FA2H: variants seen among roughly 807,000 people sequenced by gnomAD.
The protein encoded by FA2H is fatty acid 2-hydroxylase, also known as fatty acid alpha-hydroxylase.
FA2H carries 22 observed loss-of-function variants against 44.9 expected under a neutral mutation model. That is an observed-to-expected ratio of 0.49 (90% CI 0.35 to 0.70). The LOEUF is 0.70. Among genes scored for constraint, FA2H ranks in the 30% least tolerant of loss-of-function variants. The pLI, the probability that FA2H is intolerant of heterozygous loss-of-function variation, is 0.01. For missense variants in FA2H, 501 were observed against 504.9 expected (o/e 0.99, Z 0.07); for synonymous variants, 243 against 213.2 (o/e 1.14, Z -1.22).
intron 1 of FA2H, among the ~76,000 whole-genome samples, chr16:74,746,406 C>T (rs1416835813): frequency 2.7e-5 from 4 of 149,978 alleles, no homozygotes; most frequent in African/African-American, 4.9e-5. Context: ...AAGGGGGTCT[C>T]GCTATGTGGC....
chr16:74,722,532 T>C (rs1961861906), intron 4 of FA2H, among the ~76,000 whole-genome samples: 1 of 151,500 alleles, frequency 6.6e-6, no homozygotes, highest in Admixed American at 6.6e-5. Context: ...CAAGACCCTG[T>C]CTCAAAAAGA....
At chr16:74,725,656 G>A (rs549365210) in intron 4 of FA2H, among the ~76,000 whole-genome samples, 60 of 152,342 alleles carry the variant, frequency 3.9e-4, no homozygotes, top group African/African-American at 1.4e-3. Context: ...GCTGGGAGGG[G>A]TAAATGAGGC....
chr16:74,721,208 C>T (rs927986171), intron 4 of FA2H, among the ~76,000 whole-genome samples: 4 of 152,084 alleles, frequency 2.6e-5, no homozygotes, highest in Non-Finnish European at 5.9e-5. Flanking sequence ...GCTCTTGTCA[C>T]CCAGGCTGGA....
chr16:74,716,179 T>G (rs1303577356), intron 6 of FA2H, among the ~76,000 whole-genome samples, 168 bp downstream of exon 6: 1 of 152,128 alleles, frequency 6.6e-6, no homozygotes, highest in African/African-American at 2.4e-5. Context: ...ATTGATGTCC[T>G]TGCCTGTCTC....
chr16:74,723,562 G>A (rs1001375804), intron 4 of FA2H, among the ~76,000 whole-genome samples: 3 of 152,106 alleles, frequency 2.0e-5, no homozygotes, highest in Non-Finnish European at 2.9e-5. Flanking sequence ...TCCTTCCTGG[G>A]AGGCTGTGGT....
At chr16:74,731,078 C>T (rs960380790) in intron 2 of FA2H, among the ~76,000 whole-genome samples, 17 of 151,912 alleles carry the variant, frequency 1.1e-4, no homozygotes, top group Admixed American at 6.6e-4. Context: ...CTGTGTATGT[C>T]TTTACATTTA....
intron 4 of FA2H, among the ~76,000 whole-genome samples, chr16:74,719,416 T>C (rs1961780623): frequency 6.6e-6 from 1 of 152,128 alleles, no homozygotes; most frequent in African/African-American, 2.4e-5. Context: ...ACAGAGGCTG[T>C]GGGAGGAGTG....
rs548862043 is a variant in FA2H, at chr16:74,761,790, G to GA, written c.270+12695dup. Among the ~76,000 whole-genome samples, 3 of 151,770 alleles carry GA rather than the reference G, an allele frequency of 2.0e-5. No individual in the cohort carries two copies. In the East Asian group the frequency reaches 5.8e-4, roughly 29 times the overall value. ...GCAAAGTAAGATAAACATCCATGCA[G>GA]AAAAAAAATAGAAAACTTCATGAAG... On this transcript the variant is annotated intron_variant, in intron 1 of 6. Coordinates refer to ENST00000219368, the MANE Select transcript of FA2H (RefSeq NM_024306.5).
At chr16:74,738,970 G>T (rs533714835) in intron 2 of FA2H, among the ~76,000 whole-genome samples, 1 of 152,336 alleles carries the variant, frequency 6.6e-6, no homozygotes, top group African/African-American at 2.4e-5. Context: ...CTGTGCTGTG[G>T]GCGGATGGGT....
chr16:74,762,437 C>T (rs1597570636), intron 1 of FA2H, among the ~76,000 whole-genome samples: 1 of 152,222 alleles, frequency 6.6e-6, no homozygotes, highest in South Asian at 2.1e-4. Flanking sequence ...ACACTGCGAA[C>T]TTTAAGTCCT....
intron 2 of FA2H, among the ~76,000 whole-genome samples, chr16:74,738,720 C>A (rs1291272331): frequency 6.6e-6 from 1 of 152,034 alleles, no homozygotes; most frequent in East Asian, 1.9e-4. Flanking sequence ...TCATCAGTCC[C>A]CAAACTCTCC....
intron 1 of FA2H, among the ~76,000 whole-genome samples, chr16:74,768,352 A>G (rs959786870): frequency 6.6e-6 from 1 of 152,202 alleles, no homozygotes; most frequent in Admixed American, 6.5e-5. Flanking sequence ...TGGGGTGGCC[A>G]TGGAACTGCA....
intron 1 of FA2H, among the ~76,000 whole-genome samples, chr16:74,772,902 G>A (rs1266156406): frequency 6.7e-6 from 1 of 150,038 alleles, no homozygotes; most frequent in Non-Finnish European, 1.5e-5. Context: ...TTTTTTTTGA[G>A]GTGAGCTCTC....
chr16:74,738,060 G>A (rs1962215898), intron 2 of FA2H, among the ~76,000 whole-genome samples: 1 of 152,224 alleles, frequency 6.6e-6, no homozygotes, highest in African/African-American at 2.4e-5. Context: ...TGCTCCCTGT[G>A]CTGATTTTCT....
rs533146471 is a variant in FA2H at position 74,718,868 on chromosome 16, G to A, written c.786+120C>T. 5.1e-4 allele frequency: 616 copies of A among 1,205,242 alleles called. 6 individuals carry two copies. In the South Asian group the frequency reaches 6.1e-3, roughly 12 times the overall value. The allele number at this position is 1,205,242 out of a possible 1,614,324, so 74.7% of individuals were successfully genotyped here. ...CCCCGTGAGTCACATCAAACGTCCCGTCCCTCCCAACCCACAGCCAGACTC... is the reference window on the plus strand; with the variant it reads ...CCCCGTGAGTCACATCAAACGTCCCATCCCTCCCAACCCACAGCCAGACTC... On this transcript the variant is annotated intron_variant, in intron 5 of 6. Coordinates refer to ENST00000219368, the MANE Select transcript of FA2H (RefSeq NM_024306.5).
chr16:74,750,789 G>GTGTGTGTGTGTGTGTT, intron 1 of FA2H, among the ~76,000 whole-genome samples: 2 of 148,542 alleles, frequency 1.3e-5, no homozygotes, highest in Non-Finnish European at 3.0e-5. Flanking sequence ...GTGTGTGTGT[G>GTGTGTGTGTGTGTGTT]TTTAAGAGAC....
chr16:74,770,837 G>A (rs1266103819), intron 1 of FA2H, among the ~76,000 whole-genome samples: 3 of 152,230 alleles, frequency 2.0e-5, no homozygotes, highest in East Asian at 3.9e-4. Flanking sequence ...TGCTCAGGTT[G>A]GGGCCCAGAA....
At chr16:74,766,341 T>C (rs928992327) in intron 1 of FA2H, among the ~76,000 whole-genome samples, 4 of 150,008 alleles carry the variant, frequency 2.7e-5, no homozygotes, top group African/African-American at 7.4e-5. Flanking sequence ...TGCTGTAAGA[T>C]AGGTTCAGGT....
chr16:74,772,876 G>A (rs750268564), intron 1 of FA2H, among the ~76,000 whole-genome samples: 1 of 152,002 alleles, frequency 6.6e-6, no homozygotes, highest in Non-Finnish European at 1.5e-5. Context: ...CATCATGTAG[G>A]CATCTTATTA....
Sources: gnomAD v4.1 joint callset for allele counts (sites outside exome capture counted in the v4.1 genomes callset) on GRCh38, gnomAD v4.1.1 for gene constraint, MANE v1.5 for transcripts, NCBI Gene and HGNC (gene_info 2026-07-23, HGNC 2026-07-21) for gene names.